Variants in MMACHC observed in about 807,000 individuals in gnomAD.
The protein encoded by MMACHC is metabolism of cobalamin associated C, also known as cyanocobalamin reductase / alkylcobalamin dealkylase.
Under a neutral mutation model 17.6 loss-of-function variants are expected in MMACHC, and 14 were observed. The ratio of observed to expected loss-of-function variants is 0.80; its 90% confidence interval spans 0.53 to 1.25. MMACHC has a LOEUF of 1.25. Among genes scored for constraint, MMACHC ranks in the 50% most tolerant of loss-of-function variants. MMACHC has a pLI of 0.00. For missense variants in MMACHC, 392 were observed against 364.5 expected, an observed-to-expected ratio of 1.08 and a Z score of -0.62; for synonymous variants, 151 against 142.1, an observed-to-expected ratio of 1.06 and a Z score of -0.45.
rs986171816 is a variant in MMACHC at position 45,513,183 on chromosome 1, A to G, written c.*3968A>G. 2 of 152,116 alleles carry G rather than the reference A, an allele frequency of 1.3e-5. No homozygotes were observed. The highest frequency in any genetic ancestry group is 4.8e-5 in the African/African-American group (2 of 41,410). 9.4% of individuals were successfully genotyped at this position (152,116 alleles called of 1,614,324 possible). A position where few individuals can be genotyped will look rare whatever the true frequency, so the allele number is the denominator to read the frequency against. On this transcript the variant is annotated 3_prime_UTR_variant, in exon 4 of 4. Coordinates refer to ENST00000401061, the MANE Select transcript of MMACHC (RefSeq NM_015506.3). ...ATAAAAATATGAACTATATGGATTA[A>G]CCTCTTCTCTCAATAAAGTTATTTA...
chr1:45,511,526 C>A lies in MMACHC; in HGVS notation c.*2311C>A. On this transcript the variant is annotated 3_prime_UTR_variant, in exon 4 of 4. Transcript: ENST00000401061. ...AACACTCAGATACCAGGAAACCTAC[C>A]CCTGCAATCAGTCTTAGATCATTCA... 1.3e-6 allele frequency: 1 copy of A among 773,892 alleles called. No individual in the cohort carries two copies. Among genetic ancestry groups the A allele is most frequent in the Non-Finnish European group, 2.1e-6 (1 of 474,034 alleles). 47.9% of individuals were successfully genotyped at this position (773,892 alleles called of 1,614,324 possible).
Position 45,509,293 on chromosome 1 carries a change from G to C in MMACHC, c.*78G>C. 1 of 1,497,824 alleles carries C rather than the reference G, an allele frequency of 6.7e-7. No homozygotes were observed. The highest frequency in any genetic ancestry group is 9.3e-7 in the Non-Finnish European group (1 of 1,076,986). The allele number at this position is 1,497,824 out of a possible 1,614,324, so 92.8% of individuals were successfully genotyped here. A position where few individuals can be genotyped will look rare whatever the true frequency, so the allele number is the denominator to read the frequency against. ...GCTTTGGCAAAGCAAAAGGTTTTGAGTACAAGATTACTATTTTTGATAATA... is the reference window on the plus strand; with the variant it reads ...GCTTTGGCAAAGCAAAAGGTTTTGACTACAAGATTACTATTTTTGATAATA... On this transcript the variant is annotated 3_prime_UTR_variant, in exon 4 of 4. Transcript: ENST00000401061.
chr1:45,513,056 T>TGGCTCA lies in MMACHC; in HGVS notation c.*3844_*3849dup, dbSNP rs1478375121. The TGGCTCA allele has an allele frequency of 2.2e-4, 34 of 152,346 alleles. No homozygotes were observed. The highest frequency in any genetic ancestry group is 7.9e-4 in the African/African-American group (33 of 41,546). The allele number at this position is 152,346 out of a possible 1,614,324, so 9.4% of individuals were successfully genotyped here. On this transcript the variant is annotated 3_prime_UTR_variant, in exon 4 of 4. Transcript: ENST00000401061. ...GAAAGCTAGTCTGGGCTGGGCGCAA[T>TGGCTCA]GGCTCAGGGGAGGCGGAGGTTGCAG...
At chr1:45,507,750 C>T (rs1488340025) in intron 2 of MMACHC, among the ~76,000 whole-genome samples, 200 bp downstream of exon 2, 1 of 69,908 alleles carries the variant, frequency 1.4e-5, no homozygotes, top group Non-Finnish European at 2.6e-5. Flanking sequence ...ATCTAGCAGT[C>T]CCCCAGTGTG....
Position 45,508,725 on chromosome 1 carries a change from T to G in MMACHC, c.430-71T>G. 3 of 1,534,338 alleles carry G rather than the reference T, an allele frequency of 2.0e-6. No homozygotes were observed. The Admixed American group carries it at 5.6e-5, about 29-fold the overall frequency. On this transcript the variant is annotated intron_variant, in intron 3 of 3. Transcript: ENST00000401061. ...TGAGTGGGAAGTGAACAGGCCTAGCTTGCAATGATGGCAGTTGACTTGGTG... is the reference window on the plus strand; with the variant it reads ...TGAGTGGGAAGTGAACAGGCCTAGCGTGCAATGATGGCAGTTGACTTGGTG...
At position 45,513,004 on chromosome 1, in the gene MMACHC, A is replaced by C. The variant is rs1209325273; in HGVS notation, c.*3789A>C. The stretch of plus-strand genomic sequence containing the variant: ...CTAATAACTTCATTTCCTTTAAATT[A>C]CAAGATCAGAGCTGAAATAGGCCTT... On this transcript the variant is annotated 3_prime_UTR_variant, in exon 4 of 4. Transcript: ENST00000401061. 6.6e-6 allele frequency: 1 copy of C among 152,204 alleles called. No homozygotes were observed. The highest frequency in any genetic ancestry group is 1.5e-5 in the Non-Finnish European group (1 of 68,048). The allele number at this position is 152,204 out of a possible 1,614,324, so 9.4% of individuals were successfully genotyped here. A position where few individuals can be genotyped will look rare whatever the true frequency, so the allele number is the denominator to read the frequency against.
chr1:45,504,372 C>T (rs1280833344), intron 1 of MMACHC, among the ~76,000 whole-genome samples: 6 of 151,752 alleles, frequency 4.0e-5, no homozygotes, highest in Non-Finnish European at 4.4e-5. Context: ...GCCAAGATCG[C>T]GCCACAAACT....
Position 45,509,193 on chromosome 1 carries a change from C to A in MMACHC, c.827C>A (p.Pro276Gln). ...ARSWLSPRVS[P>Q]PASPGP ...AGCTGGCTCAGCCCCAGGGTCTCAC[C>A]ACCTGCATCCCCTGGCCCTTGATTT... Residue 276 changes from proline (P) to glutamine (Q), a missense_variant, in exon 4 of 4, where the codon CCA becomes CAA. By Grantham distance (76) the Pro-to-Gln change is moderately conservative. Coordinates refer to ENST00000401061, the MANE Select transcript of MMACHC (RefSeq NM_015506.3). The A allele has an allele frequency of 6.2e-7, 1 of 1,614,102 alleles. No homozygotes were observed. The highest frequency in any genetic ancestry group is 8.5e-7 in the Non-Finnish European group (1 of 1,180,034).
At position 45,511,207 on chromosome 1, in the gene MMACHC, G is replaced by C. The variant is rs1389062048; in HGVS notation, c.*1992G>C. On this transcript the variant is annotated 3_prime_UTR_variant, in exon 4 of 4. Coordinates refer to ENST00000401061, the MANE Select transcript of MMACHC (RefSeq NM_015506.3). ...ACCCCCTGTAGGAAAGGCCTGCCTT[G>C]TAAGACACCACAATTCGGCTGAATC... 1 of 856,302 alleles carries C rather than the reference G, an allele frequency of 1.2e-6. No individual in the cohort carries two copies. Among genetic ancestry groups the C allele is most frequent in the East Asian group, 2.5e-5 (1 of 39,338 alleles). The allele number at this position is 856,302 out of a possible 1,614,324, so 53.0% of individuals were successfully genotyped here.
intron 3 of MMACHC, 86 bp from the exon 4 acceptor site, chr1:45,508,710 G>T: frequency 6.9e-7 from 1 of 1,452,468 alleles, no homozygotes; most frequent in Non-Finnish European, 9.4e-7. Context: ...TGAGTGGGAA[G>T]TGAACAGGCC....
At position 45,510,576 on chromosome 1, in the gene MMACHC, A is replaced by G. The variant is rs554348285; in HGVS notation, c.*1361A>G. 4 of 108,348 alleles carry G rather than the reference A, an allele frequency of 3.7e-5. No individual in the cohort carries two copies. Among genetic ancestry groups the G allele is most frequent in the Non-Finnish European group, 7.8e-5 (4 of 51,256 alleles). 6.7% of individuals were successfully genotyped at this position (108,348 alleles called of 1,614,324 possible). On this transcript the variant is annotated 3_prime_UTR_variant, in exon 4 of 4. Transcript: ENST00000401061. ...ACCAAGGGAAGGCTAAGAATTGCCC[A>G]GTACTGTGCAACTACGAAAGCCCTA...
chr1:45,508,929 A>T lies in MMACHC; in HGVS notation c.563A>T (p.Asp188Val). The T allele has an allele frequency of 1.9e-6, 3 of 1,614,186 alleles. No individual in the cohort carries two copies. The South Asian group carries it at 3.3e-5, about 18-fold the overall frequency. ...CATGACTGTGTACCTACAAGAGCTG[A>T]CCGTATCGCCCTACTCGAAGGCTTC... The part of the protein sequence containing the change: ...KPHDCVPTRA[D>V]RIALLEGFNF... Residue 188 changes from aspartate to valine, a missense_variant, in exon 4 of 4, where the codon GAC becomes GTC. Transcript: ENST00000401061.
rs1358219437 is a variant in MMACHC, at chr1:45,510,392, A to G, written c.*1177A>G. ...GCCTCTCTGAGGACAATGACATATG[A>G]ATGAGGATCAAAACGAGCTTTGGCC... is the stretch of plus-strand genomic sequence containing the variant. On this transcript the variant is annotated 3_prime_UTR_variant, in exon 4 of 4. Coordinates refer to ENST00000401061, the MANE Select transcript of MMACHC (RefSeq NM_015506.3). The G allele has an allele frequency of 6.6e-6, 1 of 152,164 alleles. No homozygotes were observed. Among genetic ancestry groups the G allele is most frequent in the Non-Finnish European group, 1.5e-5 (1 of 68,038 alleles). 9.4% of individuals were successfully genotyped at this position (152,164 alleles called of 1,614,324 possible).
chr1:45,500,322 TA>T lies in MMACHC; in HGVS notation c.-9del. On this transcript the variant is annotated 5_prime_UTR_variant, in exon 1 of 4. Transcript: ENST00000401061. ...TTCATTCCCCAGCAAGCTCAGCGTG[TA>T]ACGTGCGCTATGGAGCCGAAAGTCG... 5 of 1,614,008 alleles carry T rather than the reference TA, an allele frequency of 3.1e-6. No individual in the cohort carries two copies. The highest frequency in any genetic ancestry group is 4.2e-6 in the Non-Finnish European group (5 of 1,179,988).
chr1:45,507,928 A>C (rs910736966), intron 2 of MMACHC, among the ~76,000 whole-genome samples: 2 of 152,192 alleles, frequency 1.3e-5, no homozygotes, highest in African/African-American at 4.8e-5. Context: ...ATATTCTCCC[A>C]ACACACACTC....
intron 1 of MMACHC, among the ~76,000 whole-genome samples, chr1:45,505,247 G>A (rs924795010): frequency 4.3e-4 from 65 of 151,474 alleles, no homozygotes; most frequent in African/African-American, 1.5e-3. Flanking sequence ...AAGAGATCGA[G>A]ACCATCCTGG....
At chr1:45,506,148 C>T (rs1643617441) in intron 1 of MMACHC, among the ~76,000 whole-genome samples, 2 of 152,140 alleles carry the variant, frequency 1.3e-5, no homozygotes, top group African/African-American at 4.8e-5. Flanking sequence ...CTGGTGGAAC[C>T]ACATCGTTTT....
chr1:45,505,275 C>T (rs1241721412), intron 1 of MMACHC, among the ~76,000 whole-genome samples: 1 of 151,592 alleles, frequency 6.6e-6, no homozygotes, highest in African/African-American at 2.4e-5. Context: ...GGTGAAACTC[C>T]GTCTCTACTA....
intron 1 of MMACHC, among the ~76,000 whole-genome samples, chr1:45,502,646 C>CA (rs1406944593): frequency 6.6e-6 from 1 of 152,044 alleles, no homozygotes; most frequent in African/African-American, 2.4e-5. Context: ...ATCAACCTGA[C>CA]AGTTGACCAG....
Sources: gnomAD v4.1 joint callset for allele counts (sites outside exome capture counted in the v4.1 genomes callset) on GRCh38, gnomAD v4.1.1 for gene constraint, MANE v1.5 for transcripts, NCBI Gene and HGNC (gene_info 2026-07-23, HGNC 2026-07-21) for gene names.